The following ZNF560 variants were observed in gnomAD, a reference collection of about 807,000 sequenced individuals.
ZNF560 encodes zinc finger protein 560.
A neutral mutation model predicts 81.8 loss-of-function variants in ZNF560; 54 were observed. The observed-to-expected ratio is 0.66, with a 90% CI of 0.53 to 0.83. The LOEUF (loss-of-function observed/expected upper bound fraction) is 0.83, where lower values mean the gene tolerates loss of function less well. Among genes scored for constraint, ZNF560 ranks in the 40% least tolerant of loss-of-function variants. ZNF560 has a pLI of 0.00. For missense variants in ZNF560, 940 were observed against 932.4 expected, an observed-to-expected ratio of 1.01 and a Z score of -0.11; for synonymous variants, 321 against 317.9, an observed-to-expected ratio of 1.01 and a Z score of -0.10.
downstream of ZNF560, among the ~76,000 whole-genome samples, chr19:9,464,249 G>A (rs2072980268): frequency 6.6e-6 from 1 of 152,162 alleles, no homozygotes; most frequent in African/African-American, 2.4e-5. Context: ...GAGTTTTTCT[G>A]TTTTCATAGC....
chr19:9,451,491 T>C, the ZNF560 span, among the ~76,000 whole-genome samples: 3 of 152,168 alleles, frequency 2.0e-5, no homozygotes, highest in Non-Finnish European at 4.4e-5. Context: ...GACTTAAATG[T>C]AAAACCTAAA....
chr19:9,496,339 CAAAAACAAAAAACA>C (rs925951072), intron 2 of ZNF560, among the ~76,000 whole-genome samples: 6 of 150,620 alleles, frequency 4.0e-5, no homozygotes, highest in African/African-American at 1.5e-4. Flanking sequence ...AAATGAATCT[CAAAAACAAAAAACA>C]AAAAACAAAA....
intron 2 of ZNF560, among the ~76,000 whole-genome samples, chr19:9,476,350 T>G (rs1041060914): frequency 6.6e-6 from 1 of 152,032 alleles, no homozygotes; most frequent in African/African-American, 2.4e-5. Flanking sequence ...TGGAGTGCAA[T>G]GGCGAGATCT....
At chr19:9,490,864 T>C (rs536004939) in intron 2 of ZNF560, among the ~76,000 whole-genome samples, 5 of 152,176 alleles carry the variant, frequency 3.3e-5, no homozygotes, top group Non-Finnish European at 7.3e-5. Context: ...CCACTCAGGA[T>C]TGTGCAGAAG....
chr19:9,459,563 G>T, the ZNF560 span, among the ~76,000 whole-genome samples: 1 of 152,188 alleles, frequency 6.6e-6, no homozygotes, highest in Non-Finnish European at 1.5e-5. Flanking sequence ...GACAAGTTAA[G>T]AGTTCATAGG....
chr19:9,466,357 AG>A lies in ZNF560; in HGVS notation c.*216del. ...TGAGACTCATCAAAAAAAAAAAAAG[AG>A]AGAGAGAAGAACTAGTGTTTTCCTA... is the stretch of plus-strand genomic sequence containing the variant. On this transcript the variant is annotated 3_prime_UTR_variant, in exon 10 of 10. Transcript: ENST00000301480. 4 of 436,264 alleles carry A rather than the reference AG, an allele frequency of 9.2e-6. No individual in the cohort carries two copies. The highest frequency in any genetic ancestry group is 1.1e-5 in the Non-Finnish European group (3 of 264,242). 27.0% of individuals were successfully genotyped at this position (436,264 alleles called of 1,614,324 possible). A position where few individuals can be genotyped will look rare whatever the true frequency, so the allele number is the denominator to read the frequency against.
downstream of ZNF560, among the ~76,000 whole-genome samples, chr19:9,461,677 T>G (rs1250253027): frequency 1.3e-5 from 2 of 152,098 alleles, no homozygotes; most frequent in African/African-American, 4.8e-5. Context: ...GGGTGGGAGA[T>G]CAAGTAGCTA....
In ZNF560 at chr19:9,467,640, T is replaced by C. The variant is rs777548864; in HGVS notation, c.1307A>G (p.His436Arg). 1 of 1,614,142 alleles carries C rather than the reference T, an allele frequency of 6.2e-7. No homozygotes were observed. Among genetic ancestry groups the C allele is most frequent in the Non-Finnish European group, 8.5e-7 (1 of 1,180,004 alleles). Residue 436 changes from histidine to arginine, a missense_variant, in exon 10 of 10, where the codon CAC becomes CGC. By Grantham distance (29) the His-to-Arg change is conservative. Coordinates refer to ENST00000301480, the MANE Select transcript of ZNF560 (RefSeq NM_152476.3). ...HAREKTFKCD[H>R]CGKAFISYPS... is the part of the protein sequence containing the mutation. ...GTAAGAAATAAAGGCTTTCCCACAGTGGTCACATTTAAAGGTTTTCTCTCT... is the reference window on the plus strand; with the variant it reads ...GTAAGAAATAAAGGCTTTCCCACAGCGGTCACATTTAAAGGTTTTCTCTCT...
downstream of ZNF560, among the ~76,000 whole-genome samples, chr19:9,464,742 A>G (rs926210409): frequency 6.6e-6 from 1 of 152,218 alleles, no homozygotes; most frequent in Non-Finnish European, 1.5e-5. Context: ...CAGAGGATGT[A>G]TAGCAACTAG....
chr19:9,473,823 G>T (rs1457663341), intron 4 of ZNF560, among the ~76,000 whole-genome samples: 1 of 151,892 alleles, frequency 6.6e-6, no homozygotes, highest in Non-Finnish European at 1.5e-5. Flanking sequence ...ACTCCTGAAT[G>T]AAGAAAAAAA....
At chr19:9,455,849 A>T in the ZNF560 span, among the ~76,000 whole-genome samples, 1 of 152,132 alleles carries the variant, frequency 6.6e-6, no homozygotes, top group Non-Finnish European at 1.5e-5. Context: ...GAGGACTGAG[A>T]GTGGGTAAAG....
chr19:9,482,127 A>G (rs2073299114), intron 2 of ZNF560, among the ~76,000 whole-genome samples: 1 of 152,120 alleles, frequency 6.6e-6, no homozygotes. Context: ...CTTTGTAGGG[A>G]CATGCATGAA....
At chr19:9,470,729 CA>C (rs1463358160) in intron 6 of ZNF560, among the ~76,000 whole-genome samples, 4 of 152,222 alleles carry the variant, frequency 2.6e-5, no homozygotes, top group African/African-American at 9.6e-5. Context: ...ACCTCTTACA[CA>C]GAAACTTATC....
chr19:9,500,699 A>G (rs2073626275), upstream of ZNF560, among the ~76,000 whole-genome samples: 1 of 151,482 alleles, frequency 6.6e-6, no homozygotes, highest in South Asian at 2.1e-4. Context: ...CAGCCTCCCA[A>G]GTAGGTGGGC....
chr19:9,469,391 C>T (rs1044562791), intron 8 of ZNF560, among the ~76,000 whole-genome samples: 2 of 151,968 alleles, frequency 1.3e-5, no homozygotes, highest in African/African-American at 2.4e-5. Context: ...AAGGAAAAGT[C>T]GGAAAAATTG....
the ZNF560 span, among the ~76,000 whole-genome samples, chr19:9,447,091 G>A: frequency 3.5e-3 from 482 of 138,830 alleles, 1 homozygote; most frequent in Middle Eastern, 0.021. Flanking sequence ...CCAAGATCAC[G>A]CCACTGCATT....
Position 9,468,065 on chromosome 19 carries a change from G to A in ZNF560, c.882C>T (p.Gly294=), listed in dbSNP as rs768773326. 1.2e-6 allele frequency: 2 copies of A among 1,614,062 alleles called. No homozygotes were observed. Among genetic ancestry groups the A allele is most frequent in the African/African-American group, 2.7e-5 (2 of 74,928 alleles). The change falls in exon 10 of 10, where the codon GGC becomes GGT. Residue 294 remains glycine, a synonymous_variant. Transcript: ENST00000301480. ...AAATGAAGGCTTTCCCATAGTCAGT[G>A]CCTTCAAAGGATTTATCTTGTGTAC... ...RKCTQDKSFE[G]TDYGKAFIYQ...
intron 2 of ZNF560, among the ~76,000 whole-genome samples, chr19:9,492,166 G>A (rs1187487009): frequency 6.6e-6 from 1 of 151,848 alleles, no homozygotes; most frequent in African/African-American, 2.4e-5. Context: ...GTTTTCGTAG[G>A]GGGGTTGATT....
Position 9,474,228 on chromosome 19 carries a change from A to AGCATC in ZNF560, c.123_127dup (p.Leu43ArgfsTer12). 6.2e-7 allele frequency: 1 copy of AGCATC among 1,614,202 alleles called. No homozygotes were observed. The highest frequency in any genetic ancestry group is 8.5e-7 in the Non-Finnish European group (1 of 1,180,028). ...TTTGGCCACGTTCTCATAATTCTCC[A>AGCATC]GCATCACATCTCTGTATAAGTTTCT... On this transcript the variant is annotated frameshift_variant, in exon 4 of 10. Transcript: ENST00000301480. LOFTEE classifies it high-confidence loss of function.
Sources: gnomAD v4.1 joint callset for allele counts (sites outside exome capture counted in the v4.1 genomes callset) on GRCh38, gnomAD v4.1.1 for gene constraint, MANE v1.5 for transcripts, NCBI Gene and HGNC (gene_info 2026-07-23, HGNC 2026-07-21) for gene names.